DNAH6: variants seen among roughly 807,000 people sequenced by gnomAD.
The protein encoded by DNAH6 is axonemal beta dynein heavy chain 6.
DNAH6 carries 340 observed loss-of-function variants against 491.4 expected under a neutral mutation model. The ratio of observed to expected loss-of-function variants is 0.69; its 90% confidence interval spans 0.63 to 0.76. The LOEUF is 0.76. Among genes scored for constraint, DNAH6 ranks in the 30% least tolerant of loss-of-function variants. The pLI, the probability that DNAH6 is intolerant of heterozygous loss-of-function variation, is 0.00. For synonymous variants in DNAH6, 1,603 were observed against 1,686.1 expected (o/e 0.95, Z 1.21); for missense variants, 4,443 against 4,972.2 (o/e 0.89, Z 3.20).
At chr2:84,631,057 A>AAAAAC (rs982567510) in intron 29 of DNAH6, among the ~76,000 whole-genome samples, 7 of 152,166 alleles carry the variant, frequency 4.6e-5, no homozygotes, top group Non-Finnish European at 7.4e-5. Flanking sequence ...TTCGTCTCTG[A>AAAAAC]AAAACAAAAC....
the DNAH6 span, among the ~76,000 whole-genome samples, chr2:84,473,378 C>T: frequency 3.9e-5 from 6 of 152,118 alleles, no homozygotes; most frequent in Non-Finnish European, 7.3e-5. Flanking sequence ...ACGTTTTAGT[C>T]GTATTGAGAG....
At chr2:84,480,969 A>G in the DNAH6 span, among the ~76,000 whole-genome samples, 1 of 152,086 alleles carries the variant, frequency 6.6e-6, no homozygotes, top group Non-Finnish European at 1.5e-5. Context: ...TCTCAAAAAA[A>G]AAAGAAAAAA....
At chr2:84,785,431 C>G (rs1317228612) in intron 66 of DNAH6, among the ~76,000 whole-genome samples, 179 bp from the exon 67 acceptor site, 1 of 152,212 alleles carries the variant, frequency 6.6e-6, no homozygotes, top group Non-Finnish European at 1.5e-5. Flanking sequence ...CCTATTCTCC[C>G]TGGACTGTGC....
At chr2:84,630,052 C>T (rs1432462218) in intron 29 of DNAH6, among the ~76,000 whole-genome samples, 1 of 152,080 alleles carries the variant, frequency 6.6e-6, no homozygotes, top group Non-Finnish European at 1.5e-5. Context: ...AGGGAAACAA[C>T]TTATTTGAAA....
chr2:84,644,248 C>T (rs1312656832), intron 33 of DNAH6, among the ~76,000 whole-genome samples: 2 of 152,100 alleles, frequency 1.3e-5, no homozygotes, highest in African/African-American at 4.8e-5. Flanking sequence ...GATGTTTCCC[C>T]TCCCCCGGAT....
chr2:84,604,268 T>G, intron 18 of DNAH6, 71 bp from the exon 19 acceptor site: 1 of 1,267,074 alleles, frequency 7.9e-7, no homozygotes, highest in South Asian at 1.3e-5. Flanking sequence ...ATGCACAAAT[T>G]GAAACCAGAA....
In DNAH6 at chr2:84,579,196, A is replaced by G. The variant is rs7595035; in HGVS notation, c.2077-331A>G. On this transcript the variant is annotated intron_variant, in intron 13 of 76. Transcript: ENST00000389394. The stretch of plus-strand genomic sequence containing the variant: ...GAGAGATCAAATTCCCCCAAACTGC[A>G]TGGCTAGCGCCCAACATGAAAGGAG... 4.8e-3 allele frequency among the ~76,000 whole-genome samples: 727 copies of G among 152,334 alleles called. 3 individuals are homozygous for G. The highest frequency in any genetic ancestry group is 0.016 in the African/African-American group (683 of 41,576).
chr2:84,621,321 G>A lies in DNAH6; in HGVS notation c.3923G>A (p.Arg1308Lys). ...AAIADYQGKL[R>K]TDWVVAGHPS... ...ATCGCTGACTATCAGGGGAAACTGA[G>A]GACAGACTGGGTGGTTGCTGGCCAC... The change falls in exon 25 of 77, where the codon AGG becomes AAG. Residue 1308 changes from arginine to lysine, a missense_variant. Around this residue, in one of 3 missense-constraint regions of DNAH6, gnomAD observed 2,977 missense variants for 3,296.6 expected, o/e 0.90. Transcript: ENST00000389394. 2 of 1,551,574 alleles carry A rather than the reference G, an allele frequency of 1.3e-6. No individual in the cohort carries two copies. The highest frequency in any genetic ancestry group is 1.7e-4 in the Middle Eastern group (1 of 5,986).
the DNAH6 span, among the ~76,000 whole-genome samples, chr2:84,497,927 C>T: frequency 1.6e-4 from 25 of 152,198 alleles, no homozygotes; most frequent in African/African-American, 5.3e-4. Context: ...CTCAGCTTGT[C>T]CCTACCCTTT....
chr2:84,696,322 G>A (rs750120001), intron 46 of DNAH6, among the ~76,000 whole-genome samples: 1 of 151,804 alleles, frequency 6.6e-6, no homozygotes, highest in African/African-American at 2.4e-5. Context: ...TTAATTAAGG[G>A]AGAAATTAAT....
At position 84,634,491 on chromosome 2, in the gene DNAH6, A is replaced by G; in HGVS notation, c.4516-13A>G. 2 of 1,527,384 alleles carry G rather than the reference A, an allele frequency of 1.3e-6. No individual in the cohort carries two copies. Among genetic ancestry groups the G allele is most frequent in the Non-Finnish European group, 1.8e-6 (2 of 1,138,226 alleles). The allele number at this position is 1,527,384 out of a possible 1,614,324, so 94.6% of individuals were successfully genotyped here. A position where few individuals can be genotyped will look rare whatever the true frequency, so the allele number is the denominator to read the frequency against. ...ACACAATACAAAGTTGAACTGCTTT[A>G]TTTTGATTTCAGATGATGGGGCGCT... On this transcript the variant is annotated splice_polypyrimidine_tract_variant and intron_variant, in intron 29 of 76. Transcript: ENST00000389394.
chr2:84,769,927 C>T (rs775579045), intron 64 of DNAH6, among the ~76,000 whole-genome samples: 1 of 152,158 alleles, frequency 6.6e-6, no homozygotes, highest in Non-Finnish European at 1.5e-5. Flanking sequence ...TCACAAAAGA[C>T]ATGAGAAGAA....
intron 49 of DNAH6, among the ~76,000 whole-genome samples, chr2:84,702,377 C>T (rs1695996749): frequency 6.6e-6 from 1 of 152,138 alleles, no homozygotes; most frequent in East Asian, 1.9e-4. Context: ...TCATCATCAT[C>T]AGGAAATTAA....
intron 13 of DNAH6, among the ~76,000 whole-genome samples, chr2:84,578,564 C>G (rs554089107): frequency 3.3e-5 from 5 of 152,234 alleles, no homozygotes; most frequent in African/African-American, 1.2e-4. Context: ...CAGGCTTCAT[C>G]CTAAGGCATT....
chr2:84,577,264 C>T lies in DNAH6; in HGVS notation c.1932C>T (p.Asn644=), dbSNP rs1558742337. 2.5e-6 allele frequency: 4 copies of T among 1,575,120 alleles called. No homozygotes were observed. Among genetic ancestry groups the T allele is most frequent in the Admixed American group, 3.8e-5 (2 of 52,466 alleles). The stretch of plus-strand genomic sequence containing the variant: ...GTGAATTTTTTTATGTAGATATTAA[C>T]TTTTTTAGTGAACAACTGGAAAAAT... ...QALKLQEPDI[N]FFSEQLEKYH... is the part of the protein sequence containing the mutation. The change falls in exon 13 of 77, where the codon AAC becomes AAT. Residue 644 remains asparagine, a synonymous_variant. Coordinates refer to ENST00000389394, the MANE Select transcript of DNAH6 (RefSeq NM_001370.2).
At chr2:84,818,819 A>G (rs1680751214) in intron 76 of DNAH6, among the ~76,000 whole-genome samples, 1 of 152,224 alleles carries the variant, frequency 6.6e-6, no homozygotes, top group Non-Finnish European at 1.5e-5. Context: ...CATGCCTGTA[A>G]TCCCAGCACT....
At chr2:84,571,748 C>G (rs1283748390) in intron 11 of DNAH6, among the ~76,000 whole-genome samples, 2 of 146,220 alleles carry the variant, frequency 1.4e-5, no homozygotes, top group Non-Finnish European at 3.0e-5. Flanking sequence ...CCCATCTCTA[C>G]TAAAATTACA....
chr2:84,704,743 A>G (rs896102240), intron 51 of DNAH6, among the ~76,000 whole-genome samples: 10 of 152,236 alleles, frequency 6.6e-5, no homozygotes, highest in African/African-American at 2.4e-4. Context: ...GCATCACGAA[A>G]GGTCTTAAAA....
At chr2:84,770,894 G>T (rs1402296455) in intron 64 of DNAH6, among the ~76,000 whole-genome samples, 2 of 152,004 alleles carry the variant, frequency 1.3e-5, no homozygotes, top group East Asian at 3.9e-4. Context: ...GAAGGCTGAG[G>T]CAGGAAGATT....
Sources: gnomAD v4.1 joint callset for allele counts (sites outside exome capture counted in the v4.1 genomes callset) on GRCh38, gnomAD v4.1.1 for gene constraint, gnomAD v4.1.1 regional missense constraint, MANE v1.5 for transcripts, NCBI Gene and HGNC (gene_info 2026-07-23, HGNC 2026-07-21) for gene names.